PDCD6: variants seen among roughly 807,000 people sequenced by gnomAD.
PDCD6 encodes the protein programmed cell death 6.
A neutral mutation model predicts 28.3 loss-of-function variants in PDCD6; 12 were observed. That is an observed-to-expected ratio of 0.42 (90% CI 0.27 to 0.69). The LOEUF is 0.69. PDCD6 is among the 30% of genes least tolerant of loss of function. The pLI is 0.22. For missense variants in PDCD6, 226 were observed against 269.9 expected (o/e 0.84, Z 1.14); for synonymous variants, 92 against 108.0 (o/e 0.85, Z 0.92).
At chr5:295,741 C>G (rs1384343370) in intron 2 of PDCD6, among the ~76,000 whole-genome samples, 2 of 146,740 alleles carry the variant, frequency 1.4e-5, no homozygotes, top group Non-Finnish European at 3.0e-5. Flanking sequence ...TCTCCCTGTT[C>G]CCGGAATGCA....
At chr5:296,329 A>C (rs1471112121) in intron 2 of PDCD6, among the ~76,000 whole-genome samples, 1 of 150,422 alleles carries the variant, frequency 6.6e-6, no homozygotes, top group Non-Finnish European at 1.5e-5. Flanking sequence ...TCCCCACTTC[A>C]CCCTGGGCCT....
chr5:296,129 T>C (rs1384388630), intron 2 of PDCD6, among the ~76,000 whole-genome samples: 1 of 152,180 alleles, frequency 6.6e-6, no homozygotes, highest in Non-Finnish European at 1.5e-5. Flanking sequence ...AATGTCACTT[T>C]CTCAAGTTTT....
In PDCD6 at chr5:288,595, G is replaced by T. The variant is rs542741210; in HGVS notation, c.164-15582G>T. 9.9e-5 allele frequency among the ~76,000 whole-genome samples: 14 copies of T among 141,606 alleles called. No homozygotes were observed. The East Asian group carries it at 2.1e-3, about 22-fold the overall frequency. 92.9% of individuals were successfully genotyped at this position (141,606 alleles called of 152,430 possible). On this transcript the variant is annotated intron_variant, in intron 2 of 5. Transcript: ENST00000264933. ...AAATCTATACACAAACCACTGATTT[G>T]CCCAGACCAAAAGAAAGAAAGAAAG...
At chr5:277,127 T>TTTTTATGTGTG (rs1216564322) in intron 2 of PDCD6, among the ~76,000 whole-genome samples, 1 of 152,098 alleles carries the variant, frequency 6.6e-6, no homozygotes, top group African/African-American at 2.4e-5. Flanking sequence ...TTTGAAGGTT[T>TTTTTATGTGTG]TTTTATGTGT....
intron 4 of PDCD6, chr5:310,172 G>A: frequency 6.1e-6 from 1 of 163,128 alleles, no homozygotes; most frequent in Non-Finnish European, 1.3e-5. Flanking sequence ...AAAAGTGGCA[G>A]CTGTTGACAA....
At position 314,924 on chromosome 5, in the gene PDCD6, T is replaced by C; in HGVS notation, c.*409T>C. 3.0e-6 allele frequency: 1 copy of C among 331,026 alleles called. No homozygotes were observed. Among genetic ancestry groups the C allele is most frequent in the South Asian group, 2.5e-5 (1 of 40,298 alleles). 20.5% of individuals were successfully genotyped at this position (331,026 alleles called of 1,614,324 possible). A position where few individuals can be genotyped will look rare whatever the true frequency, so the allele number is the denominator to read the frequency against. On this transcript the variant is annotated 3_prime_UTR_variant, in exon 6 of 6. Coordinates refer to ENST00000264933, the MANE Select transcript of PDCD6 (RefSeq NM_013232.4). ...CTTACTTTTTTAAAAAGGAGTTTATTGTATTCATTGGAATATGTGACGTAA... is the reference window on the plus strand; with the variant it reads ...CTTACTTTTTTAAAAAGGAGTTTATCGTATTCATTGGAATATGTGACGTAA...
intron 2 of PDCD6, among the ~76,000 whole-genome samples, chr5:301,959 G>A (rs1740085089): frequency 7.0e-6 from 1 of 142,710 alleles, no homozygotes; most frequent in South Asian, 2.3e-4. Flanking sequence ...TGGAGGGCGG[G>A]TCATCGAGTG....
chr5:286,236 C>T (rs114333657), intron 2 of PDCD6, among the ~76,000 whole-genome samples: 2,572 of 132,180 alleles, frequency 0.019, 72 homozygotes, highest in African/African-American at 0.071. Context: ...GCGACCTGGG[C>T]GGGAGCTGAT....
intron 2 of PDCD6, among the ~76,000 whole-genome samples, chr5:277,433 C>T (rs1738270647): frequency 6.6e-6 from 1 of 151,620 alleles, no homozygotes; most frequent in Non-Finnish European, 1.5e-5. Flanking sequence ...TCCCGAGTAG[C>T]TGGGACTACA....
chr5:312,729 G>A (rs1740999707), intron 5 of PDCD6, among the ~76,000 whole-genome samples: 1 of 152,138 alleles, frequency 6.6e-6, no homozygotes, highest in Non-Finnish European at 1.5e-5. Flanking sequence ...AGAATCACTT[G>A]AACCCGGGAG....
chr5:314,300 A>C, intron 5 of PDCD6, 117 bp from the exon 6 acceptor site: 2 of 693,446 alleles, frequency 2.9e-6, no homozygotes, highest in Admixed American at 4.7e-5. Flanking sequence ...GCTGGGCTCC[A>C]TCAGGGAGCC....
At chr5:278,080 C>T (rs1738314878) in intron 2 of PDCD6, among the ~76,000 whole-genome samples, 1 of 152,190 alleles carries the variant, frequency 6.6e-6, no homozygotes, top group Non-Finnish European at 1.5e-5. Context: ...ACCACCTGCT[C>T]CCTTCCCCAC....
Position 301,772 on chromosome 5 carries a change from G to C in PDCD6, c.164-2405G>C, listed in dbSNP as rs562495949. ...CTGCATAACTGCTGGAGGGTGGGTC[G>C]TGGAGTGCTGCTCTGTGTGTATGCC... On this transcript the variant is annotated intron_variant, in intron 2 of 5. Transcript: ENST00000264933. 2.1e-5 allele frequency among the ~76,000 whole-genome samples: 3 copies of C among 141,270 alleles called. No individual in the cohort carries two copies. The South Asian group carries it at 7.1e-4, about 33-fold the overall frequency. 92.7% of individuals were successfully genotyped at this position (141,270 alleles called of 152,430 possible). A position where few individuals can be genotyped will look rare whatever the true frequency, so the allele number is the denominator to read the frequency against.
chr5:286,370 C>G (rs1164981396), intron 2 of PDCD6, among the ~76,000 whole-genome samples: 1 of 151,266 alleles, frequency 6.6e-6, no homozygotes, highest in Non-Finnish European at 1.5e-5. Context: ...AGCTGGAGAT[C>G]CGGGGGTGAG....
chr5:306,815 G>A (rs1008070064), intron 4 of PDCD6, 55 bp downstream of exon 4: 25 of 1,556,980 alleles, frequency 1.6e-5, no homozygotes, highest in African/African-American at 1.5e-4. Context: ...CCTTGGAGCC[G>A]TTGAAGTTCT....
chr5:297,275 C>T (rs1232923675), intron 2 of PDCD6, among the ~76,000 whole-genome samples: 3 of 152,222 alleles, frequency 2.0e-5, no homozygotes, highest in African/African-American at 7.2e-5. Context: ...TGTGGTTAAC[C>T]ACGGAATAAA....
rs1162589941 is a variant in PDCD6, at chr5:314,894, T to C, written c.*379T>C. 8.7e-6 allele frequency: 3 copies of C among 344,626 alleles called. No individual in the cohort carries two copies. In the East Asian group the frequency reaches 2.2e-4, roughly 25 times the overall value. The allele number at this position is 344,626 out of a possible 1,614,324, so 21.3% of individuals were successfully genotyped here. A position where few individuals can be genotyped will look rare whatever the true frequency, so the allele number is the denominator to read the frequency against. ...TGGAACTTACACAAAAGGCTTTTCA[T>C]GTGCCTTACTTTTTTAAAAAGGAGT... is the stretch of plus-strand genomic sequence containing the variant. On this transcript the variant is annotated 3_prime_UTR_variant, in exon 6 of 6. Coordinates refer to ENST00000264933, the MANE Select transcript of PDCD6 (RefSeq NM_013232.4).
In PDCD6 at chr5:307,191, G is replaced by A. The variant is rs1308175695; in HGVS notation, c.367+431G>A. ...CCAAACCGTGCGCCTCAGAAGGGGC[G>A]TTAGGCAGAACGCGTGCCCATTCTC... On this transcript the variant is annotated intron_variant, in intron 4 of 5. Coordinates refer to ENST00000264933, the MANE Select transcript of PDCD6 (RefSeq NM_013232.4). This position sits in a 1 kb window ranked among gnomAD's most constrained non-coding sequence, Gnocchi z 6.1. Among the ~76,000 whole-genome samples, 2 of 151,704 alleles carry A rather than the reference G, an allele frequency of 1.3e-5. No individual in the cohort carries two copies. Among genetic ancestry groups the A allele is most frequent in the African/African-American group, 2.4e-5 (1 of 41,020 alleles).
In PDCD6 at chr5:288,036, C is replaced by T. The variant is rs1487307393; in HGVS notation, c.163+15264C>T. ...CTCATAAATAATGAAGTCTGTTTCT[C>T]AGGCACCTCAGAAGTATACAAAAGA... On this transcript the variant is annotated intron_variant, in intron 2 of 5. Coordinates refer to ENST00000264933, the MANE Select transcript of PDCD6 (RefSeq NM_013232.4). 2.6e-5 allele frequency among the ~76,000 whole-genome samples: 4 copies of T among 152,232 alleles called. No individual in the cohort carries two copies. The East Asian group carries it at 7.7e-4, about 29-fold the overall frequency.
Sources: gnomAD v4.1 joint callset for allele counts (sites outside exome capture counted in the v4.1 genomes callset) on GRCh38, gnomAD v4.1.1 for gene constraint, Gnocchi (gnomAD v3.1) non-coding constraint, MANE v1.5 for transcripts, NCBI Gene and HGNC (gene_info 2026-07-23, HGNC 2026-07-21) for gene names.